Variants in MMP26 observed in about 807,000 individuals in gnomAD.
MMP26 encodes matrix metallopeptidase 26, also known as matrix metalloproteinase-26.
MMP26 carries 33 observed loss-of-function variants against 31.0 expected under a neutral mutation model. The ratio of observed to expected loss-of-function variants is 1.06; its 90% confidence interval spans 0.81 to 1.42. MMP26 has a LOEUF of 1.42. Among genes scored for constraint, MMP26 ranks in the 40% most tolerant of loss-of-function variants. The probability of loss-of-function intolerance (pLI) is 0.00; values close to 1 mark genes in which losing one functional copy is unlikely to be tolerated. For missense variants in MMP26, 347 were observed against 316.1 expected (o/e 1.10, Z -0.74); for synonymous variants, 122 against 114.9 (o/e 1.06, Z -0.40).
At chr11:4,889,825 G>C (rs909684567) in intron 2 of MMP26, 8 of 176,006 alleles carry the variant, frequency 4.5e-5, no homozygotes, top group Non-Finnish European at 8.7e-5. Flanking sequence ...CACAGGTGTT[G>C]AGGGCCTTGA....
At chr11:4,852,094 C>A (rs11600256) in intron 2 of MMP26, among the ~76,000 whole-genome samples, 32,888 of 151,724 alleles carry the variant, frequency 0.22, 4,105 homozygotes, top group South Asian at 0.33. Flanking sequence ...GTAAGAAGGT[C>A]GAAAATTATA....
intron 2 of MMP26, chr11:4,908,129 A>G: frequency 1.2e-6 from 2 of 1,614,198 alleles, no homozygotes; most frequent in African/African-American, 1.3e-5. Flanking sequence ...CTATGTGCCC[A>G]TCATCACCCT....
At chr11:4,914,838 G>T (rs753888356) in intron 2 of MMP26, 13 of 1,613,956 alleles carry the variant, frequency 8.1e-6, no homozygotes, top group Non-Finnish European at 1.0e-5. Context: ...ACCTGGACCA[G>T]GTGGGGTGCC....
At chr11:4,706,421 G>C (rs1327919442) in intron 1 of MMP26, among the ~76,000 whole-genome samples, 1 of 151,402 alleles carries the variant, frequency 6.6e-6, no homozygotes, top group African/African-American at 2.4e-5. Flanking sequence ...AATTATCCAG[G>C]CATGATGGTG....
chr11:4,989,746 A>G lies in MMP26; in HGVS notation c.198A>G (p.Thr66=). Residue 66 remains threonine, a synonymous_variant, in exon 4 of 8, where the codon ACA becomes ACG. Transcript: ENST00000380390. ...QLLQQFHRNG[T]DLLDMQMHAL... ...TGCAACAATTCCATCGGAATGGGACAGACCTACTTGACATGCAGATGCATG... is the reference window on the plus strand; with the variant it reads ...TGCAACAATTCCATCGGAATGGGACGGACCTACTTGACATGCAGATGCATG... 2.5e-6 allele frequency: 4 copies of G among 1,614,090 alleles called. No individual in the cohort carries two copies. The highest frequency in any genetic ancestry group is 3.4e-6 in the Non-Finnish European group (4 of 1,180,036).
chr11:4,980,981 T>C (rs1846805293), intron 2 of MMP26, among the ~76,000 whole-genome samples: 2 of 152,028 alleles, frequency 1.3e-5, no homozygotes, highest in Non-Finnish European at 2.9e-5. Context: ...CTTATTTATA[T>C]GACAATAGAT....
chr11:4,783,217 C>G (rs559135789), intron 2 of MMP26, among the ~76,000 whole-genome samples: 12 of 152,362 alleles, frequency 7.9e-5, no homozygotes, highest in African/African-American at 2.9e-4. Context: ...GAGGATGTAC[C>G]TTGTAAGGCC....
chr11:4,931,885 T>A lies in MMP26; in HGVS notation c.-144-56183T>A, dbSNP rs138937408. On this transcript the variant is annotated intron_variant, in intron 2 of 7. Transcript: ENST00000380390. ...GAATAATTCTCATTTTACTGCCTTTTAAGGAGGAAGCATGAGGATAGGGAG... is the reference window on the plus strand; with the variant it reads ...GAATAATTCTCATTTTACTGCCTTTAAAGGAGGAAGCATGAGGATAGGGAG... Among the ~76,000 whole-genome samples the A allele has an allele frequency of 2.0e-5, 3 of 152,130 alleles. No individual in the cohort carries two copies. In the East Asian group the frequency reaches 5.8e-4, roughly 29 times the overall value.
At chr11:4,830,871 G>A (rs1050145514) in intron 2 of MMP26, among the ~76,000 whole-genome samples, 58 of 149,260 alleles carry the variant, frequency 3.9e-4, no homozygotes, top group Admixed American at 2.2e-3. Context: ...GAAAAAATCC[G>A]TGAACAGACA....
At chr11:4,889,263 A>G (rs573637232) in intron 2 of MMP26, among the ~76,000 whole-genome samples, 73 of 152,224 alleles carry the variant, frequency 4.8e-4, no homozygotes, top group African/African-American at 1.7e-3. Flanking sequence ...TAGTATATGC[A>G]TCTTACCTAC....
intron 5 of MMP26, 115 bp downstream of exon 5, chr11:4,990,861 T>A: frequency 8.9e-7 from 1 of 1,126,854 alleles, no homozygotes. Context: ...AAAAAAAGTC[T>A]GACAAAACCC....
At position 4,980,776 on chromosome 11, in the gene MMP26, A is replaced by G. The variant is rs555724354; in HGVS notation, c.-144-7292A>G. On this transcript the variant is annotated intron_variant, in intron 2 of 7. Transcript: ENST00000380390. ...TTTTAAGTAAAAATATAGTTCATTG[A>G]AGGAAGTATTTGTGGACATTAATAT... 4.2e-3 allele frequency among the ~76,000 whole-genome samples: 621 copies of G among 148,326 alleles called. 14 individuals carry two copies. The highest frequency in any genetic ancestry group is 0.016 in the African/African-American group (609 of 38,804).
rs192342158 is a variant in MMP26, at chr11:4,711,506, C to T, written c.-217+6461C>T. The T allele has an allele frequency of 1.2e-3, 180 of 152,226 alleles. 1 individual carries two copies. The highest frequency in any genetic ancestry group is 3.8e-3 in the African/African-American group (158 of 41,538). 9.4% of individuals were successfully genotyped at this position (152,226 alleles called of 1,614,324 possible). On this transcript the variant is annotated intron_variant, in intron 1 of 7. Transcript: ENST00000380390. The stretch of plus-strand genomic sequence containing the variant: ...ATAATGAAGTAATTTCCACTTAATA[C>T]CTTCCCACAAAACAAAACTTTTTTA...
At chr11:4,943,806 C>T (rs181702775) in intron 2 of MMP26, 5 of 431,246 alleles carry the variant, frequency 1.2e-5, no homozygotes, top group Admixed American at 5.3e-5. Flanking sequence ...TCACCTCCCC[C>T]ATTGAGATTT....
chr11:4,959,609 T>C (rs1215443857), intron 2 of MMP26, among the ~76,000 whole-genome samples: 1 of 152,140 alleles, frequency 6.6e-6, no homozygotes. Flanking sequence ...TTCCATACCA[T>C]TGCTTCAGAA....
chr11:4,845,019 C>T, intron 2 of MMP26, among the ~76,000 whole-genome samples: 1 of 151,978 alleles, frequency 6.6e-6, no homozygotes, highest in Non-Finnish European at 1.5e-5. Context: ...TTTACCAAAA[C>T]AATTATTAGA....
chr11:4,706,507 G>C (rs985242548), intron 1 of MMP26, among the ~76,000 whole-genome samples: 1 of 142,868 alleles, frequency 7.0e-6, no homozygotes, highest in African/African-American at 2.5e-5. Context: ...GAGCCTGGAA[G>C]TTTGAGGCTA....
chr11:4,835,128 C>T (rs1423114690), intron 2 of MMP26, among the ~76,000 whole-genome samples: 1 of 151,536 alleles, frequency 6.6e-6, no homozygotes, highest in African/African-American at 2.4e-5. Flanking sequence ...CTTCTCTAAA[C>T]ATTTGAACTT....
At chr11:4,891,517 A>G (rs4910692) in intron 2 of MMP26, among the ~76,000 whole-genome samples, 81,876 of 151,956 alleles carry the variant, frequency 0.54, 22,429 homozygotes, top group East Asian at 0.66. Context: ...ATTTGGTTGG[A>G]ACAAATATCC....
Sources: allele counts gnomAD v4.1 joint callset (sites outside exome capture counted in the v4.1 genomes callset), GRCh38; gene constraint gnomAD v4.1.1; transcripts MANE v1.5; gene names NCBI Gene and HGNC (gene_info 2026-07-23, HGNC 2026-07-21).